Variants in EME2 observed in about 807,000 individuals in gnomAD.
The protein encoded by EME2 is essential meiotic structure-specific endonuclease subunit 2, also known as structure-specific endonuclease subunit EME2.
Under a neutral mutation model 41.9 loss-of-function variants are expected in EME2, and 58 were observed. The ratio of observed to expected loss-of-function variants is 1.38; its 90% CI spans 1.12 to 1.72. The LOEUF (loss-of-function observed/expected upper bound fraction) is 1.72, where lower values mean the gene tolerates loss of function less well. Ranked by LOEUF, EME2 falls within the 40% of genes most tolerant of loss-of-function variation. The pLI is 0.00. For synonymous variants in EME2, 334 were observed against 239.3 expected (o/e 1.40, Z -3.65); for missense variants, 695 against 541.9 (o/e 1.28, Z -2.81).
rs766916263 is a variant in EME2, at chr16:1,777,352, A to C, written c.*1114A>C. 7.5e-6 allele frequency: 12 copies of C among 1,607,010 alleles called. No homozygotes were observed. In the Admixed American group the frequency reaches 2.0e-4, roughly 27 times the overall value. ...GGTACTGGAGGGAAGTGGCGCTGGC[A>C]CAGGAGCGGGTGACCTTCATGCTGC... On this transcript the variant is annotated 3_prime_UTR_variant, in exon 8 of 8. Coordinates refer to ENST00000568449, the MANE Select transcript of EME2 (RefSeq NM_001257370.2).
rs767826339 is a variant in EME2, at chr16:1,781,349, G to A, written c.*5111G>A. 1.9e-6 allele frequency: 3 copies of A among 1,612,870 alleles called. No individual in the cohort carries two copies. The stretch of plus-strand genomic sequence containing the variant: ...GCCAGCCACGTCCGCCTCGCCCGCT[G>A]GAACCTACCTGCCCATCAGAGTCGT... On this transcript the variant is annotated 3_prime_UTR_variant, in exon 8 of 8. Transcript: ENST00000568449.
At position 1,777,086 on chromosome 16, in the gene EME2, T is replaced by TG. The variant is rs34485123; in HGVS notation, c.*851dup. The TG allele has an allele frequency of 6.2e-7, 1 of 1,608,448 alleles. No homozygotes were observed. On this transcript the variant is annotated 3_prime_UTR_variant, in exon 8 of 8. Coordinates refer to ENST00000568449, the MANE Select transcript of EME2 (RefSeq NM_001257370.2). ...TCCCAGCCCAAGAAGGCAGTTCCAC[T>TG]GGGAAGTCAGTCAGGTCCGGCGGCA... is the stretch of plus-strand genomic sequence containing the variant.
rs181756783 is a variant in EME2, at chr16:1,776,774, C to A, written c.*536C>A. On this transcript the variant is annotated 3_prime_UTR_variant, in exon 8 of 8. Transcript: ENST00000568449. ...TTTAAGTCTATGACGGCGGGGCAGC[C>A]GCTGACAGCATGCAGAGCAAGTTAG... 6.7e-6 allele frequency: 3 copies of A among 447,440 alleles called. No homozygotes were observed. Among genetic ancestry groups the A allele is most frequent in the Admixed American group, 4.0e-5 (1 of 25,204 alleles). 27.7% of individuals were successfully genotyped at this position (447,440 alleles called of 1,614,324 possible).
At position 1,776,462 on chromosome 16, in the gene EME2, G is replaced by C. The variant is rs569728415; in HGVS notation, c.*224G>C. The C allele has an allele frequency of 3.7e-6, 2 of 538,256 alleles. No individual in the cohort carries two copies. The highest frequency in any genetic ancestry group is 5.0e-5 in the South Asian group (2 of 40,070). 33.3% of individuals were successfully genotyped at this position (538,256 alleles called of 1,614,324 possible). Reference sequence around the variant, plus strand: ...AGATGGCTGGCGGTTCCTGTGCTGAGTCCTGAACACGTAGGCCCCAGGGGA... The same window carrying C: ...AGATGGCTGGCGGTTCCTGTGCTGACTCCTGAACACGTAGGCCCCAGGGGA... On this transcript the variant is annotated 3_prime_UTR_variant, in exon 8 of 8. Transcript: ENST00000568449.
In EME2 at chr16:1,777,888, G is replaced by A; in HGVS notation, c.*1650G>A. 6.2e-7 allele frequency: 1 copy of A among 1,611,948 alleles called. No homozygotes were observed. The stretch of plus-strand genomic sequence containing the variant: ...TGGAGGAGGCCTGGGGGCAGCCAGG[G>A]TCGCAGTGAGCCCGGGAGCTCCAGG... On this transcript the variant is annotated 3_prime_UTR_variant, in exon 8 of 8. Coordinates refer to ENST00000568449, the MANE Select transcript of EME2 (RefSeq NM_001257370.2).
rs1039943779 is a variant in EME2 at position 1,776,347 on chromosome 16, C to T, written c.*109C>T. The stretch of plus-strand genomic sequence containing the variant: ...TGTGGACCCTCAGCCTGGGTGGGTT[C>T]TCTGGCTGAGCAGGTCTGACCTCAG... On this transcript the variant is annotated 3_prime_UTR_variant, in exon 8 of 8. Transcript: ENST00000568449. 18 of 1,180,536 alleles carry T rather than the reference C, an allele frequency of 1.5e-5. No individual in the cohort carries two copies. The African/African-American group carries it at 2.3e-4, about 15-fold the overall frequency. The allele number at this position is 1,180,536 out of a possible 1,614,324, so 73.1% of individuals were successfully genotyped here. A position where few individuals can be genotyped will look rare whatever the true frequency, so the allele number is the denominator to read the frequency against.
rs1041851121 is a variant in EME2, at chr16:1,781,164, G to A, written c.*4926G>A. On this transcript the variant is annotated 3_prime_UTR_variant, in exon 8 of 8. Transcript: ENST00000568449. ...GGTCCTGTCACCCCTGAGGCTGTGT[G>A]TGTCCTTTGCCAAATTAAAGAGTCT... is the stretch of plus-strand genomic sequence containing the variant. 4 of 1,530,990 alleles carry A rather than the reference G, an allele frequency of 2.6e-6. No individual in the cohort carries two copies. The highest frequency in any genetic ancestry group is 1.4e-5 in the African/African-American group (1 of 72,980). 94.8% of individuals were successfully genotyped at this position (1,530,990 alleles called of 1,614,324 possible). A position where few individuals can be genotyped will look rare whatever the true frequency, so the allele number is the denominator to read the frequency against.
chr16:1,774,465 G>A, intron 3 of EME2, 113 bp downstream of exon 3: 2 of 840,872 alleles, frequency 2.4e-6, no homozygotes, highest in South Asian at 2.9e-5. Flanking sequence ...GGGGGCATGG[G>A]GCAGGCCAGG....
chr16:1,777,191 T>G lies in EME2; in HGVS notation c.*953T>G. On this transcript the variant is annotated 3_prime_UTR_variant, in exon 8 of 8. Transcript: ENST00000568449. ...TGCCTGGGGATCGGACACTGGAGCC[T>G]TGCGGCGGCTGCAACTCATGCTCAG... The G allele has an allele frequency of 1.9e-6, 3 of 1,610,466 alleles. No individual in the cohort carries two copies. Among genetic ancestry groups the G allele is most frequent in the Non-Finnish European group, 2.5e-6 (3 of 1,179,792 alleles).
At position 1,777,135 on chromosome 16, in the gene EME2, G is replaced by T; in HGVS notation, c.*897G>T. The T allele has an allele frequency of 6.2e-7, 1 of 1,611,604 alleles. No homozygotes were observed. Reference sequence around the variant, plus strand: ...CAGCGCTTCCTCTGGCAGGGCCGAGGCTCGCGACTGCTGGGGTGGGCGGAG... The same window carrying T: ...CAGCGCTTCCTCTGGCAGGGCCGAGTCTCGCGACTGCTGGGGTGGGCGGAG... On this transcript the variant is annotated 3_prime_UTR_variant, in exon 8 of 8. Coordinates refer to ENST00000568449, the MANE Select transcript of EME2 (RefSeq NM_001257370.2).
Position 1,781,614 on chromosome 16 carries a change from G to C in EME2, c.*5376G>C, listed in dbSNP as rs759228383. 13 of 1,119,298 alleles carry C rather than the reference G, an allele frequency of 1.2e-5. No homozygotes were observed. Among genetic ancestry groups the C allele is most frequent in the Non-Finnish European group, 1.5e-5 (12 of 794,448 alleles). 69.3% of individuals were successfully genotyped at this position (1,119,298 alleles called of 1,614,324 possible). Reference sequence around the variant, plus strand: ...ACTGCAGGGGCCGCACCGGTGCCCAGCCAGGGCTCCAGAACGCTTCAGGAG... The same window carrying C: ...ACTGCAGGGGCCGCACCGGTGCCCACCCAGGGCTCCAGAACGCTTCAGGAG... On this transcript the variant is annotated 3_prime_UTR_variant, in exon 8 of 8. Coordinates refer to ENST00000568449, the MANE Select transcript of EME2 (RefSeq NM_001257370.2).
Position 1,777,703 on chromosome 16 carries a change from C to A in EME2, c.*1465C>A, listed in dbSNP as rs558395744. The A allele has an allele frequency of 3.1e-6, 5 of 1,602,282 alleles. No individual in the cohort carries two copies. In the African/African-American group the frequency reaches 4.0e-5, roughly 13 times the overall value. On this transcript the variant is annotated 3_prime_UTR_variant, in exon 8 of 8. Coordinates refer to ENST00000568449, the MANE Select transcript of EME2 (RefSeq NM_001257370.2). Reference sequence around the variant, plus strand: ...GCTGGGGCGGGGTGGCTGCCTCCCTCGGGGTGACAGCTGAGAGGAGCTCAA... The same window carrying A: ...GCTGGGGCGGGGTGGCTGCCTCCCTAGGGGTGACAGCTGAGAGGAGCTCAA...
rs1190996004 is a variant in EME2, at chr16:1,780,280, G to A, written c.*4042G>A. 1 of 152,322 alleles carries A rather than the reference G, an allele frequency of 6.6e-6. No homozygotes were observed. The highest frequency in any genetic ancestry group is 6.5e-5 in the Admixed American group (1 of 15,284). 9.4% of individuals were successfully genotyped at this position (152,322 alleles called of 1,614,324 possible). A position where few individuals can be genotyped will look rare whatever the true frequency, so the allele number is the denominator to read the frequency against. On this transcript the variant is annotated 3_prime_UTR_variant, in exon 8 of 8. Transcript: ENST00000568449. Reference sequence around the variant, plus strand: ...ACATGACCTGTGGTAGCTGGAAGTGGGGCAGGGAGGCGCAGCCACACTCCT... The same window carrying A: ...ACATGACCTGTGGTAGCTGGAAGTGAGGCAGGGAGGCGCAGCCACACTCCT...
chr16:1,781,107 G>A lies in EME2; in HGVS notation c.*4869G>A. On this transcript the variant is annotated 3_prime_UTR_variant, in exon 8 of 8. Coordinates refer to ENST00000568449, the MANE Select transcript of EME2 (RefSeq NM_001257370.2). The stretch of plus-strand genomic sequence containing the variant: ...TCCATGCACCATGTGTTTCAGAGGA[G>A]AAAGCACAGTGAAGAATGCAGTGTG... 1 of 1,403,324 alleles carries A rather than the reference G, an allele frequency of 7.1e-7. No individual in the cohort carries two copies. Among genetic ancestry groups the A allele is most frequent in the Non-Finnish European group, 9.5e-7 (1 of 1,050,360 alleles). The allele number at this position is 1,403,324 out of a possible 1,614,324, so 86.9% of individuals were successfully genotyped here.
Position 1,776,257 on chromosome 16 carries a change from G to C in EME2, c.*19G>C. On this transcript the variant is annotated 3_prime_UTR_variant, in exon 8 of 8. Coordinates refer to ENST00000568449, the MANE Select transcript of EME2 (RefSeq NM_001257370.2). Reference sequence around the variant, plus strand: ...CTCCTGACCACACGTGGGACCACCAGGACAGCATGCAGCCTTGGGGACAGA... The same window carrying C: ...CTCCTGACCACACGTGGGACCACCACGACAGCATGCAGCCTTGGGGACAGA... 1 of 1,611,218 alleles carries C rather than the reference G, an allele frequency of 6.2e-7. No individual in the cohort carries two copies. Among genetic ancestry groups the C allele is most frequent in the Non-Finnish European group, 8.5e-7 (1 of 1,179,150 alleles).
At chr16:1,773,918 C>T in intron 2 of EME2, 77 bp downstream of exon 2, 6 of 1,452,150 alleles carry the variant, frequency 4.1e-6, no homozygotes, top group African/African-American at 1.4e-5. Context: ...TGGAGCTGTC[C>T]CTGAGGCAGC....
At position 1,775,375 on chromosome 16, in the gene EME2, C is replaced by T. The variant is rs139829498; in HGVS notation, c.630C>T (p.Ala210=). The T allele has an allele frequency of 8.7e-4, 1,400 of 1,610,638 alleles. 10 individuals are homozygous for T. The highest frequency in any genetic ancestry group is 6.2e-3 in the South Asian group (561 of 91,070). ...QQPESPKVAG[A]EVAVSWPEVE... Reference sequence around the variant, plus strand: ...CAGAGAGCCCGAAGGTGGCCGGTGCCGAGGTGGCCGTCAGCTGGCCGGAGG... The same window carrying T: ...CAGAGAGCCCGAAGGTGGCCGGTGCTGAGGTGGCCGTCAGCTGGCCGGAGG... Residue 210 remains alanine, a synonymous_variant, in exon 5 of 8, where the codon GCC becomes GCT. Coordinates refer to ENST00000568449, the MANE Select transcript of EME2 (RefSeq NM_001257370.2).
Position 1,778,018 on chromosome 16 carries a change from G to C in EME2, c.*1780G>C. 6.2e-7 allele frequency: 1 copy of C among 1,613,234 alleles called. No homozygotes were observed. The highest frequency in any genetic ancestry group is 8.5e-7 in the Non-Finnish European group (1 of 1,179,994). ...CAGAACGTGTGGCGGTATTTGTCCA[G>C]GTCCACATCCGACGTCCCGATGCCC... On this transcript the variant is annotated 3_prime_UTR_variant, in exon 8 of 8. Coordinates refer to ENST00000568449, the MANE Select transcript of EME2 (RefSeq NM_001257370.2).
chr16:1,777,125 C>T lies in EME2; in HGVS notation c.*887C>T. 3 of 1,611,638 alleles carry T rather than the reference C, an allele frequency of 1.9e-6. No homozygotes were observed. Among genetic ancestry groups the T allele is most frequent in the Non-Finnish European group, 2.5e-6 (3 of 1,179,506 alleles). On this transcript the variant is annotated 3_prime_UTR_variant, in exon 8 of 8. Coordinates refer to ENST00000568449, the MANE Select transcript of EME2 (RefSeq NM_001257370.2). ...GGTCCGGCGGCAGCGCTTCCTCTGG[C>T]AGGGCCGAGGCTCGCGACTGCTGGG...
Sources: allele counts gnomAD v4.1 joint callset, GRCh38; gene constraint gnomAD v4.1.1; transcripts MANE v1.5; gene names NCBI Gene and HGNC (gene_info 2026-07-23, HGNC 2026-07-21).